Variants in ST8SIA6 observed in about 807,000 individuals in gnomAD.
ST8SIA6 encodes the protein alpha-2,8-sialyltransferase 8F.
In ST8SIA6, 39 loss-of-function variants were observed where a neutral mutation model predicts 33.6. The ratio of observed to expected loss-of-function variants is 1.16; its 90% CI spans 0.90 to 1.52. The LOEUF (loss-of-function observed/expected upper bound fraction) is 1.52, where lower values mean the gene tolerates loss of function less well. Ranked by LOEUF, ST8SIA6 falls within the 40% of genes most tolerant of loss-of-function variation. The pLI, the probability that ST8SIA6 is intolerant of heterozygous loss-of-function variation, is 0.00. For synonymous variants in ST8SIA6, 172 were observed against 167.2 expected (o/e 1.03, Z -0.22); for missense variants, 441 against 443.8 (o/e 0.99, Z 0.06).
intron 2 of ST8SIA6, among the ~76,000 whole-genome samples, chr10:17,401,672 A>C (rs192750707): frequency 0.013 from 2,056 of 152,298 alleles, 27 homozygotes; most frequent in Non-Finnish European, 0.022. Flanking sequence ...CAAAAACAAG[A>C]AATGGGGAAA....
At chr10:17,447,150 G>A (rs113807295) in intron 2 of ST8SIA6, among the ~76,000 whole-genome samples, 2,223 of 152,082 alleles carry the variant, frequency 0.015, 29 homozygotes, top group Non-Finnish European at 0.022. Flanking sequence ...CAGCACTTTC[G>A]GAGGCCGAGG....
At chr10:17,353,682 A>C (rs1381741767) in intron 4 of ST8SIA6, among the ~76,000 whole-genome samples, 1 of 152,212 alleles carries the variant, frequency 6.6e-6, no homozygotes, top group Non-Finnish European at 1.5e-5. Context: ...TAACAAAGTA[A>C]TCAGGCACGA....
At chr10:17,398,511 C>T (rs1481042938) in intron 2 of ST8SIA6, among the ~76,000 whole-genome samples, 2 of 152,088 alleles carry the variant, frequency 1.3e-5, no homozygotes, top group East Asian at 1.9e-4. Flanking sequence ...TGCAATCGGT[C>T]CCCTGGCCAA....
chr10:17,369,623 T>A (rs80276007), intron 3 of ST8SIA6, among the ~76,000 whole-genome samples: 1 of 152,142 alleles, frequency 6.6e-6, no homozygotes, highest in Admixed American at 6.5e-5. Context: ...AATCTTTTTC[T>A]CATTGTTCTA....
intron 2 of ST8SIA6, among the ~76,000 whole-genome samples, chr10:17,396,603 A>G (rs1383934751): frequency 6.6e-6 from 1 of 151,868 alleles, no homozygotes; most frequent in Admixed American, 6.6e-5. Context: ...AGAATAATCC[A>G]CCTGCCATCA....
intron 2 of ST8SIA6, among the ~76,000 whole-genome samples, chr10:17,432,997 C>T (rs150091243): frequency 6.6e-6 from 1 of 152,296 alleles, no homozygotes; most frequent in African/African-American, 2.4e-5. Context: ...TTCACTCTGA[C>T]AATGAGGCAT....
Position 17,316,162 on chromosome 10 carries a change from C to T in ST8SIA6, c.*4716G>A, listed in dbSNP as rs117056787. On this transcript the variant is annotated 3_prime_UTR_variant, in exon 8 of 8. Coordinates refer to ENST00000377602, the MANE Select transcript of ST8SIA6 (RefSeq NM_001004470.3). ...TTCTTCTTTATCCCTAAACCCACTC[C>T]GATTACCCTCTTCTTAATGGGTACC... Among the ~76,000 whole-genome samples the T allele has an allele frequency of 4.6e-3, 693 of 152,050 alleles. 4 individuals carry two copies. The highest frequency in any genetic ancestry group is 0.01 in the Middle Eastern group (3 of 294).
chr10:17,385,762 C>T (rs1176830648), intron 3 of ST8SIA6, among the ~76,000 whole-genome samples: 4 of 152,168 alleles, frequency 2.6e-5, no homozygotes, highest in Admixed American at 6.5e-5. Flanking sequence ...ACAGAGGTCT[C>T]ATACCTCCCT....
In ST8SIA6 at chr10:17,368,407, CAAAAAAAA is replaced by C. The variant is rs200826980; in HGVS notation, c.291-8815_291-8808del. ...GGGCAACAAGAGTGAAGCTCTGTCT[CAAAAAAAA>C]AAAAAAAAAAAAAAAAATTCTATGT... On this transcript the variant is annotated intron_variant, in intron 3 of 7. Transcript: ENST00000377602. Among the ~76,000 whole-genome samples the C allele has an allele frequency of 3.3e-4, 24 of 72,180 alleles. 1 individual carries two copies. The highest frequency in any genetic ancestry group is 1.0e-3 in the East Asian group (4 of 3,966). The allele number at this position is 72,180 out of a possible 152,430, so 47.4% of individuals were successfully genotyped here. A position where few individuals can be genotyped will look rare whatever the true frequency, so the allele number is the denominator to read the frequency against.
At chr10:17,440,893 A>G (rs1420406467) in intron 2 of ST8SIA6, among the ~76,000 whole-genome samples, 1 of 152,182 alleles carries the variant, frequency 6.6e-6, no homozygotes, top group Non-Finnish European at 1.5e-5. Flanking sequence ...CTTATTAGCC[A>G]TCTGTCTATC....
At chr10:17,347,976 T>G (rs199537750) in intron 4 of ST8SIA6, among the ~76,000 whole-genome samples, 1 of 107,268 alleles carries the variant, frequency 9.3e-6, no homozygotes. Context: ...AAAAAAAAAA[T>G]TAAAGCTGAT....
chr10:17,323,936 T>C (rs113819745), intron 6 of ST8SIA6, among the ~76,000 whole-genome samples: 2,863 of 152,230 alleles, frequency 0.019, 29 homozygotes, highest in African/African-American at 0.023. Context: ...ATTAAACAAA[T>C]CAAAACCTCC....
rs1419841770 is a variant in ST8SIA6, at chr10:17,321,015, G to A, written c.1060C>T (p.Pro354Ser). 5 of 1,613,892 alleles carry A rather than the reference G, an allele frequency of 3.1e-6. No individual in the cohort carries two copies. The East Asian group carries it at 1.1e-4, about 36-fold the overall frequency. The change falls in exon 8 of 8, where the codon CCT (proline) becomes TCT (serine). Residue 354 changes from proline to serine, a missense_variant. By Grantham distance (74) the Pro-to-Ser change is moderately conservative. Transcript: ENST00000377602. Reference sequence around the variant, plus strand: ...TTGTCATAATAGTGATGGCTGACAGGTATGTCTTCTACAGTTTTAGAGAAG... The same window carrying A: ...TTGTCATAATAGTGATGGCTGACAGATATGTCTTCTACAGTTTTAGAGAAG... ...WPFSKTVEDI[P>S]VSHHYYDNKL... is the part of the protein sequence containing the mutation.
chr10:17,434,824 A>T (rs1852202027), intron 2 of ST8SIA6, among the ~76,000 whole-genome samples: 1 of 152,156 alleles, frequency 6.6e-6, no homozygotes. Flanking sequence ...GTGCATGTTC[A>T]CTGGCATGGT....
chr10:17,337,973 C>T (rs981623602), intron 4 of ST8SIA6, among the ~76,000 whole-genome samples: 8 of 151,842 alleles, frequency 5.3e-5, no homozygotes, highest in African/African-American at 1.9e-4. Context: ...ACACTGTACA[C>T]TTTTGCCATT....
rs1564405114 is a variant in ST8SIA6 at position 17,333,713 on chromosome 10, A to ATTTTT, written c.378-2162_378-2161insAAAAA. On this transcript the variant is annotated intron_variant, in intron 4 of 7. Transcript: ENST00000377602. ...TATATATATATATATATATATATAT[A>ATTTTT]TATATTTTTTTTTTTTTTTTTTTTT... Among the ~76,000 whole-genome samples, 37 of 25,684 alleles carry ATTTTT rather than the reference A, an allele frequency of 1.4e-3. 1 individual carries two copies. Among genetic ancestry groups the ATTTTT allele is most frequent in the Non-Finnish European group, 1.3e-3 (22 of 16,316 alleles). The allele number at this position is 25,684 out of a possible 152,430, so 16.8% of individuals were successfully genotyped here.
chr10:17,446,242 A>G (rs2131744387), intron 2 of ST8SIA6, among the ~76,000 whole-genome samples: 1 of 152,288 alleles, frequency 6.6e-6, no homozygotes, highest in Middle Eastern at 3.4e-3. Context: ...AAAAAAAATC[A>G]CAAAACTTAT....
At chr10:17,449,675 C>G (rs1023348926) in intron 2 of ST8SIA6, among the ~76,000 whole-genome samples, 1 of 152,152 alleles carries the variant, frequency 6.6e-6, no homozygotes, top group Admixed American at 6.5e-5. Context: ...AATCCTTTGC[C>G]TCTAGTCCCC....
In ST8SIA6 at chr10:17,340,299, T is replaced by C. The variant is rs1047631534; in HGVS notation, c.378-8747A>G. ...CGTCCTGAGTCACCCTGGTCACCTG[T>C]TCCGTCCTGAGTCACCCCTGGTCAC... On this transcript the variant is annotated intron_variant, in intron 4 of 7. Transcript: ENST00000377602. 3.3e-5 allele frequency among the ~76,000 whole-genome samples: 5 copies of C among 151,112 alleles called. No individual in the cohort carries two copies. The East Asian group carries it at 9.6e-4, about 29-fold the overall frequency.
Sources: allele counts gnomAD v4.1 joint callset (sites outside exome capture counted in the v4.1 genomes callset), GRCh38; gene constraint gnomAD v4.1.1; transcripts MANE v1.5; gene names NCBI Gene and HGNC (gene_info 2026-07-23, HGNC 2026-07-21).